Variants in MAN1A2 observed in about 807,000 individuals in gnomAD.
MAN1A2 encodes the protein mannosidase alpha class 1A member 2.
MAN1A2 carries 26 observed loss-of-function variants against 75.7 expected under a neutral mutation model. That is an observed-to-expected ratio of 0.34 (90% confidence interval 0.25 to 0.48). MAN1A2 has a LOEUF of 0.48. MAN1A2 is among the 20% of genes least tolerant of loss of function. The probability of loss-of-function intolerance (pLI) is 0.99; values close to 1 mark genes in which losing one functional copy is unlikely to be tolerated. For synonymous variants in MAN1A2, 247 were observed against 264.6 expected, an observed-to-expected ratio of 0.93 and a Z score of 0.65; for missense variants, 562 against 775.5, an observed-to-expected ratio of 0.72 and a Z score of 3.27.
At chr1:117,492,449 C>CA (rs1341504033) in intron 8 of MAN1A2, among the ~76,000 whole-genome samples, 12 of 152,108 alleles carry the variant, frequency 7.9e-5, no homozygotes, top group African/African-American at 2.9e-4. Flanking sequence ...ATAGTGCTGT[C>CA]AACACAACTT....
intron 8 of MAN1A2, among the ~76,000 whole-genome samples, chr1:117,482,478 G>A (rs1041209942): frequency 6.6e-6 from 1 of 152,022 alleles, no homozygotes; most frequent in Non-Finnish European, 1.5e-5. Context: ...GTGACGATGA[G>A]CATTTTTTCA....
At chr1:117,400,222 T>C (rs1194909711) in intron 1 of MAN1A2, among the ~76,000 whole-genome samples, 1 of 152,056 alleles carries the variant, frequency 6.6e-6, no homozygotes. Flanking sequence ...TCTTCCTCCC[T>C]GCTGAATGAC....
At chr1:117,478,489 C>G (rs1167716465) in intron 8 of MAN1A2, among the ~76,000 whole-genome samples, 1 of 151,900 alleles carries the variant, frequency 6.6e-6, no homozygotes, top group Non-Finnish European at 1.5e-5. Flanking sequence ...TTGCCTAACT[C>G]AAGCACGCCT....
intron 1 of MAN1A2, among the ~76,000 whole-genome samples, chr1:117,381,780 G>A (rs1028574016): frequency 6.6e-6 from 1 of 151,998 alleles, no homozygotes; most frequent in Non-Finnish European, 1.5e-5. Context: ...CACAATGGTT[G>A]AACTAGTTTA....
chr1:117,472,479 A>T (rs1301038993), intron 8 of MAN1A2, among the ~76,000 whole-genome samples: 3 of 152,078 alleles, frequency 2.0e-5, no homozygotes, highest in Non-Finnish European at 4.4e-5. Flanking sequence ...ATAGATGTGA[A>T]CAAGTAGACA....
intron 5 of MAN1A2, among the ~76,000 whole-genome samples, chr1:117,429,154 G>A (rs1316082621): frequency 6.8e-6 from 1 of 147,226 alleles, no homozygotes; most frequent in African/African-American, 2.5e-5. Flanking sequence ...CAAGGCAGAG[G>A]AATTTTTCTT....
At chr1:117,451,246 T>C (rs1649407063) in intron 6 of MAN1A2, among the ~76,000 whole-genome samples, 1 of 152,232 alleles carries the variant, frequency 6.6e-6, no homozygotes, top group Non-Finnish European at 1.5e-5. Context: ...GATTTCAGAC[T>C]TGCATGGGGC....
At chr1:117,459,824 T>C (rs903325092) in intron 6 of MAN1A2, among the ~76,000 whole-genome samples, 1 of 152,176 alleles carries the variant, frequency 6.6e-6, no homozygotes, top group Non-Finnish European at 1.5e-5. Flanking sequence ...TGTATATTTA[T>C]GTAATATATT....
intron 12 of MAN1A2, among the ~76,000 whole-genome samples, chr1:117,520,765 A>G (rs1467976113): frequency 6.6e-6 from 1 of 152,150 alleles, no homozygotes; most frequent in African/African-American, 2.4e-5. Context: ...TACAAATTCA[A>G]TGCATTTCCT....
At chr1:117,385,872 A>G (rs962649250) in intron 1 of MAN1A2, among the ~76,000 whole-genome samples, 18 of 152,218 alleles carry the variant, frequency 1.2e-4, no homozygotes, top group African/African-American at 4.1e-4. Context: ...CCAGATACAC[A>G]GAACCACTGT....
chr1:117,371,919 G>C (rs1652976692), intron 1 of MAN1A2, among the ~76,000 whole-genome samples: 1 of 152,066 alleles, frequency 6.6e-6, no homozygotes. Flanking sequence ...CCCTTGGGAG[G>C]GGGACGGGGG....
chr1:117,491,358 A>G (rs1650878282), intron 8 of MAN1A2, among the ~76,000 whole-genome samples: 1 of 151,812 alleles, frequency 6.6e-6, no homozygotes, highest in South Asian at 2.1e-4. Context: ...TGTTACATCT[A>G]CTCCCTGTGT....
intron 8 of MAN1A2, among the ~76,000 whole-genome samples, chr1:117,470,335 T>C (rs1650111232): frequency 6.6e-6 from 1 of 151,914 alleles, no homozygotes; most frequent in African/African-American, 2.4e-5. Context: ...GAGAAGAAAA[T>C]GGAGAGTTAT....
intron 1 of MAN1A2, among the ~76,000 whole-genome samples, chr1:117,391,383 A>G (rs1653713594): frequency 6.6e-6 from 1 of 152,166 alleles, no homozygotes; most frequent in Admixed American, 6.5e-5. Flanking sequence ...TGAGTGAAGG[A>G]TGTTGAAATT....
chr1:117,507,655 C>G (rs1651412361), intron 12 of MAN1A2, among the ~76,000 whole-genome samples: 1 of 151,534 alleles, frequency 6.6e-6, no homozygotes, highest in Non-Finnish European at 1.5e-5. Context: ...TGCATTATTA[C>G]TAATAAATAC....
rs150414864 is a variant in MAN1A2, at chr1:117,423,976, G to A, written c.855+3327G>A. On this transcript the variant is annotated intron_variant, in intron 5 of 12. Transcript: ENST00000356554. Reference sequence around the variant, plus strand: ...CAGCTCACTGCAACCTCTGCCTCCCGGGTTCAAGCGATTCTCCTGCCTCAG... The same window carrying A: ...CAGCTCACTGCAACCTCTGCCTCCCAGGTTCAAGCGATTCTCCTGCCTCAG... Among the ~76,000 whole-genome samples the A allele has an allele frequency of 7.4e-3, 1,111 of 150,314 alleles. 18 individuals carry two copies. The highest frequency in any genetic ancestry group is 0.026 in the African/African-American group (1,063 of 40,934).
At chr1:117,369,859 A>G (rs1260148474) in intron 1 of MAN1A2, among the ~76,000 whole-genome samples, 1 of 152,244 alleles carries the variant, frequency 6.6e-6, no homozygotes, top group East Asian at 1.9e-4. Flanking sequence ...TTTGTATAAC[A>G]TATGAAATAT....
intron 3 of MAN1A2, among the ~76,000 whole-genome samples, chr1:117,410,718 T>C (rs1392616080): frequency 1.3e-5 from 2 of 151,194 alleles, no homozygotes; most frequent in Non-Finnish European, 3.0e-5. Context: ...TCCTAGGGAA[T>C]GTACCCAAAA....
intron 12 of MAN1A2, among the ~76,000 whole-genome samples, chr1:117,513,921 T>C (rs1651624319): frequency 1.3e-5 from 2 of 152,184 alleles, no homozygotes; most frequent in South Asian, 2.1e-4. Flanking sequence ...AGGGAACATA[T>C]TGTAGTATTG....
Sources: allele counts gnomAD v4.1 joint callset (sites outside exome capture counted in the v4.1 genomes callset), GRCh38; gene constraint gnomAD v4.1.1; transcripts MANE v1.5; gene names NCBI Gene and HGNC (gene_info 2026-07-23, HGNC 2026-07-21).